Variants in OLA1 observed in about 807,000 individuals in gnomAD.
OLA1 encodes Obg like ATPase 1.
OLA1 carries 14 observed loss-of-function variants against 48.4 expected under a neutral mutation model. The observed-to-expected ratio is 0.29, with a 90% CI of 0.19 to 0.45. The LOEUF is 0.45. Ranked by LOEUF, OLA1 falls within the 20% of genes least tolerant of loss-of-function variation. The probability of loss-of-function intolerance (pLI) is 1.00; values close to 1 mark genes in which losing one functional copy is unlikely to be tolerated. For missense variants in OLA1, 325 were observed against 467.1 expected, an observed-to-expected ratio of 0.70 and a Z score of 2.80; for synonymous variants, 127 against 150.4, an observed-to-expected ratio of 0.84 and a Z score of 1.14.
chr2:174,235,062 G>C (rs1391891264), intron 2 of OLA1, among the ~76,000 whole-genome samples: 1 of 152,122 alleles, frequency 6.6e-6, no homozygotes, highest in East Asian at 1.9e-4. Context: ...GGGAGGCTGC[G>C]GTAGGAGAAT....
At chr2:174,211,531 A>T (rs991110305) in intron 4 of OLA1, among the ~76,000 whole-genome samples, 1 of 152,264 alleles carries the variant, frequency 6.6e-6, no homozygotes, top group Non-Finnish European at 1.5e-5. Context: ...TCATTTGTAC[A>T]TATCATATCC....
At chr2:174,126,435 G>T (rs954403397) in intron 5 of OLA1, among the ~76,000 whole-genome samples, 9 of 151,956 alleles carry the variant, frequency 5.9e-5, no homozygotes, top group South Asian at 2.1e-4. Flanking sequence ...TACTAAATTG[G>T]GCTGTTTTGG....
intron 2 of OLA1, among the ~76,000 whole-genome samples, chr2:174,234,309 A>C (rs1005551423): frequency 2.0e-5 from 3 of 152,170 alleles, no homozygotes; most frequent in African/African-American, 7.2e-5. Context: ...TAGCTTAATC[A>C]ACTGTTTATG....
At chr2:174,114,804 T>C (rs777043869) in intron 7 of OLA1, among the ~76,000 whole-genome samples, 2 of 152,176 alleles carry the variant, frequency 1.3e-5, no homozygotes, top group African/African-American at 2.4e-5. Context: ...ATTCCTAAAC[T>C]AATATGCAGA....
rs559680635 is a variant in OLA1, at chr2:174,197,114, A to G, written c.373+25919T>C. ...TCAGACCATGGAGAAGACCTTGTGC[A>G]GTAAGATATAAATAACTCCCACAAG... On this transcript the variant is annotated intron_variant, in intron 4 of 10. Transcript: ENST00000284719. Among the ~76,000 whole-genome samples the G allele has an allele frequency of 1.6e-4, 24 of 152,338 alleles. No individual in the cohort carries two copies. The South Asian group carries it at 5.0e-3, about 32-fold the overall frequency.
intron 4 of OLA1, among the ~76,000 whole-genome samples, chr2:174,203,380 C>A (rs1333546788): frequency 1.3e-5 from 2 of 152,150 alleles, no homozygotes; most frequent in African/African-American, 2.4e-5. Context: ...AACTGCAACA[C>A]CCTGCCAATT....
intron 4 of OLA1, among the ~76,000 whole-genome samples, chr2:174,172,945 C>T (rs1687342446): frequency 6.6e-6 from 1 of 152,042 alleles, no homozygotes; most frequent in Admixed American, 6.6e-5. Context: ...TCTCTAGCTC[C>T]ATCTCACTTG....
intron 5 of OLA1, among the ~76,000 whole-genome samples, chr2:174,133,151 C>T (rs2105374217): frequency 6.6e-6 from 1 of 152,210 alleles, no homozygotes; most frequent in African/African-American, 2.4e-5. Flanking sequence ...GTTGTTAGGG[C>T]TTGCACAGTG....
chr2:174,163,716 ATAT>A (rs1687072554), intron 4 of OLA1, among the ~76,000 whole-genome samples: 1 of 17,988 alleles, frequency 5.6e-5, no homozygotes, highest in Non-Finnish European at 9.1e-5. Flanking sequence ...AAATAAATAT[ATAT>A]ATATATATAT....
At chr2:174,129,970 C>G (rs1686140084) in intron 5 of OLA1, among the ~76,000 whole-genome samples, 1 of 152,056 alleles carries the variant, frequency 6.6e-6, no homozygotes, top group Admixed American at 6.6e-5. Flanking sequence ...GGTTAGGTAG[C>G]TTTAACAAAG....
At chr2:174,206,594 C>T (rs1020854794) in intron 4 of OLA1, among the ~76,000 whole-genome samples, 12 of 134,778 alleles carry the variant, frequency 8.9e-5, no homozygotes, top group Admixed American at 1.5e-4. Flanking sequence ...TCACCAATCA[C>T]TTAGATATAA....
chr2:174,090,502 G>C (rs1265654661), intron 7 of OLA1, among the ~76,000 whole-genome samples: 1 of 152,232 alleles, frequency 6.6e-6, no homozygotes, highest in African/African-American at 2.4e-5. Context: ...ATGTGAACCA[G>C]TTCTAATCAA....
chr2:174,220,986 C>T (rs1253969123), intron 4 of OLA1, among the ~76,000 whole-genome samples: 2 of 152,128 alleles, frequency 1.3e-5, no homozygotes, highest in Non-Finnish European at 2.9e-5. Flanking sequence ...CATAATCTTT[C>T]TAATCTCTAC....
At chr2:174,225,611 T>G (rs1334983432) in intron 3 of OLA1, among the ~76,000 whole-genome samples, 1 of 152,162 alleles carries the variant, frequency 6.6e-6, no homozygotes. Context: ...TGTGTTTATA[T>G]GGCCTGCAGA....
chr2:174,196,846 TTAAATAGGGAAATATAA>T (rs2105428452), intron 4 of OLA1, among the ~76,000 whole-genome samples: 1 of 152,318 alleles, frequency 6.6e-6, no homozygotes, highest in South Asian at 2.1e-4. Context: ...AAAAGAACTC[TTAAATAGGGAAATATAA>T]TATTCTCAAC....
chr2:174,079,054 G>A lies in OLA1; in HGVS notation c.1003C>T (p.His335Tyr), dbSNP rs1684807646. ...TKAPQAAGKI[H>Y]TDFEKGFIMA... ...ATGAATCCCTTTTCAAAATCTGTGT[G>A]AATCTTTCCTGCAGCCTGAGGAGCC... Residue 335 changes from histidine (H) to tyrosine (Y), a missense_variant, in exon 10 of 11, where the codon CAC becomes TAC. Coordinates refer to ENST00000284719, the MANE Select transcript of OLA1 (RefSeq NM_013341.5). 6.2e-7 allele frequency: 1 copy of A among 1,603,956 alleles called. No homozygotes were observed. Among genetic ancestry groups the A allele is most frequent in the East Asian group, 2.3e-5 (1 of 44,316 alleles).
intron 4 of OLA1, among the ~76,000 whole-genome samples, chr2:174,209,960 A>G (rs1688205959): frequency 6.6e-6 from 1 of 152,192 alleles, no homozygotes; most frequent in South Asian, 2.1e-4. Context: ...CCATATAATG[A>G]AATCTGTATA....
At chr2:174,147,920 T>A (rs1686649862) in intron 4 of OLA1, among the ~76,000 whole-genome samples, 1 of 151,984 alleles carries the variant, frequency 6.6e-6, no homozygotes, top group South Asian at 2.1e-4. Flanking sequence ...ACCTCCCAGG[T>A]TCAAGCAATT....
intron 4 of OLA1, among the ~76,000 whole-genome samples, chr2:174,149,734 C>T (rs1326531863): frequency 6.6e-6 from 1 of 152,142 alleles, no homozygotes. Context: ...GATGAGTTGG[C>T]TCTTTTCAAT....
Sources: gnomAD v4.1 joint callset for allele counts (sites outside exome capture counted in the v4.1 genomes callset) on GRCh38, gnomAD v4.1.1 for gene constraint, MANE v1.5 for transcripts, NCBI Gene and HGNC (gene_info 2026-07-23, HGNC 2026-07-21) for gene names.